Variants in DLGAP2 observed in about 807,000 individuals in gnomAD.
DLGAP2 encodes DLG associated protein 2, also known as disks large-associated protein 2.
In DLGAP2, 26 loss-of-function variants were observed where a neutral mutation model predicts 100.3. The observed-to-expected ratio is 0.26, with a 90% CI of 0.19 to 0.36. DLGAP2 has a LOEUF of 0.36. Ranked by LOEUF, DLGAP2 falls within the 10% of genes least tolerant of loss-of-function variation. The pLI, the probability that DLGAP2 is intolerant of heterozygous loss-of-function variation, is 1.00. For missense variants in DLGAP2, 1,858 were observed against 1,453.2 expected, an observed-to-expected ratio of 1.28 and a Z score of -4.53; for synonymous variants, 886 against 630.1, an observed-to-expected ratio of 1.41 and a Z score of -6.08.
At position 1,633,172 on chromosome 8, in the gene DLGAP2, C is replaced by T. The variant is rs559090632; in HGVS notation, c.1810+126C>T. On this transcript the variant is annotated intron_variant, in intron 8 of 14. Coordinates refer to ENST00000637795, the MANE Select transcript of DLGAP2 (RefSeq NM_001346810.2). ...ACTCTCCTGACATCTAGTAACGTTT[C>T]CTAATTGCATGTGTTACACTGTCAC... The T allele has an allele frequency of 4.7e-6, 4 of 860,106 alleles. No homozygotes were observed. In the African/African-American group the frequency reaches 6.8e-5, roughly 15 times the overall value. The allele number at this position is 860,106 out of a possible 1,614,324, so 53.3% of individuals were successfully genotyped here.
At chr8:1,379,329 G>A (rs1032156288) in intron 3 of DLGAP2, among the ~76,000 whole-genome samples, 1 of 152,258 alleles carries the variant, frequency 6.6e-6, no homozygotes, top group Non-Finnish European at 1.5e-5. Flanking sequence ...TAAGAGCCGC[G>A]TCTTTGCTAA....
chr8:881,958 T>C (rs1797808055), intron 1 of DLGAP2, among the ~76,000 whole-genome samples: 2 of 152,216 alleles, frequency 1.3e-5, no homozygotes, highest in South Asian at 4.1e-4. Context: ...CTGAGTCCCC[T>C]GCCATGCAAA....
chr8:999,310 C>T (rs1020877171), intron 2 of DLGAP2, among the ~76,000 whole-genome samples: 18 of 151,774 alleles, frequency 1.2e-4, no homozygotes, highest in African/African-American at 1.9e-4. Flanking sequence ...CCTGTGTATT[C>T]CCCTTTCCAT....
At chr8:1,481,046 C>T (rs1173086750) in intron 3 of DLGAP2, among the ~76,000 whole-genome samples, 1 of 151,900 alleles carries the variant, frequency 6.6e-6, no homozygotes, top group Non-Finnish European at 1.5e-5. Flanking sequence ...GTGGCGGGTG[C>T]CTGTAGTCCC....
rs539667028 is a variant in DLGAP2, at chr8:1,517,976, A to G, written c.172+16545A>G. Reference sequence around the variant, plus strand: ...GTGCTCATCGTCAGTAACACACACTAACTGAATTTCACTCAAGGCAGATTT... The same window carrying G: ...GTGCTCATCGTCAGTAACACACACTGACTGAATTTCACTCAAGGCAGATTT... On this transcript the variant is annotated intron_variant, in intron 4 of 14. Transcript: ENST00000637795. Among the ~76,000 whole-genome samples the G allele has an allele frequency of 1.4e-4, 21 of 152,320 alleles. No individual in the cohort carries two copies. In the South Asian group the frequency reaches 4.1e-3, roughly 30 times the overall value.
chr8:1,351,943 A>T (rs1801739300), intron 3 of DLGAP2, among the ~76,000 whole-genome samples: 3 of 71,038 alleles, frequency 4.2e-5, no homozygotes, highest in African/African-American at 9.5e-5. Context: ...TGTGTGTGGA[A>T]AGGCCGTGCG....
At chr8:1,591,422 GA>G (rs1210606855) in intron 6 of DLGAP2, among the ~76,000 whole-genome samples, 1 of 152,150 alleles carries the variant, frequency 6.6e-6, no homozygotes, top group Non-Finnish European at 1.5e-5. Flanking sequence ...TCTAAGACTG[GA>G]CGTTGGACTG....
intron 3 of DLGAP2, among the ~76,000 whole-genome samples, chr8:1,455,392 C>T (rs1199346929): frequency 2.0e-5 from 3 of 152,208 alleles, no homozygotes; most frequent in South Asian, 2.1e-4. Flanking sequence ...CCCTGCCCCT[C>T]GGGGTCCCAG....
chr8:1,350,284 C>T (rs1360652144), intron 3 of DLGAP2, among the ~76,000 whole-genome samples: 2 of 90,572 alleles, frequency 2.2e-5, no homozygotes, highest in African/African-American at 3.7e-5. Context: ...CGTGCGGGTC[C>T]TGAGCGTGCG....
chr8:1,006,340 G>A (rs1373764653), intron 2 of DLGAP2, among the ~76,000 whole-genome samples: 12 of 152,210 alleles, frequency 7.9e-5, no homozygotes, highest in Non-Finnish European at 1.6e-4. Context: ...ATCACGTCAG[G>A]GGTGCCCTGC....
chr8:1,156,687 C>T (rs1002658573), intron 2 of DLGAP2, among the ~76,000 whole-genome samples: 4 of 148,006 alleles, frequency 2.7e-5, no homozygotes, highest in African/African-American at 7.5e-5. Context: ...CAGCCCAGCA[C>T]CCCAGCTCAG....
At chr8:836,956 C>G (rs1354518357) in intron 1 of DLGAP2, among the ~76,000 whole-genome samples, 2 of 152,226 alleles carry the variant, frequency 1.3e-5, no homozygotes, top group Admixed American at 6.5e-5. Context: ...AGATCCCACC[C>G]TAACATTCTG....
intron 4 of DLGAP2, among the ~76,000 whole-genome samples, chr8:1,538,791 G>A (rs116585742): frequency 0.014 from 2,179 of 151,746 alleles, 57 homozygotes; most frequent in African/African-American, 0.05. Context: ...AGAGAGTCAC[G>A]CCCCGGGTGG....
At chr8:936,681 A>G (rs1408683120) in intron 2 of DLGAP2, among the ~76,000 whole-genome samples, 1 of 152,154 alleles carries the variant, frequency 6.6e-6, no homozygotes, top group African/African-American at 2.4e-5. Context: ...GCTGAGTGCA[A>G]GGTCCTCTCT....
chr8:764,002 C>G (rs949212491), intron 1 of DLGAP2, among the ~76,000 whole-genome samples: 2 of 152,148 alleles, frequency 1.3e-5, no homozygotes, highest in African/African-American at 4.8e-5. Context: ...TGGAAATTTT[C>G]ATTTTTAAGA....
chr8:1,456,614 G>T (rs1322249834), intron 3 of DLGAP2, among the ~76,000 whole-genome samples: 4 of 152,128 alleles, frequency 2.6e-5, no homozygotes, highest in Non-Finnish European at 5.9e-5. Flanking sequence ...TTTAATTAAT[G>T]AAAAAGTGTC....
chr8:1,422,731 G>A (rs367733647), intron 3 of DLGAP2, among the ~76,000 whole-genome samples: 6 of 150,842 alleles, frequency 4.0e-5, no homozygotes, highest in African/African-American at 1.4e-4. Flanking sequence ...TCAACATGCT[G>A]AGACCAGCCA....
At chr8:1,341,507 C>T (rs187569130) in intron 3 of DLGAP2, among the ~76,000 whole-genome samples, 11 of 152,290 alleles carry the variant, frequency 7.2e-5, no homozygotes, top group Admixed American at 7.2e-4. Context: ...GTTCTGCCTA[C>T]AGTATGGGCT....
chr8:1,688,587 G>A (rs146522892), intron 12 of DLGAP2, among the ~76,000 whole-genome samples: 5 of 152,252 alleles, frequency 3.3e-5, no homozygotes, highest in East Asian at 1.9e-4. Flanking sequence ...CCGTCTCCAC[G>A]GAATGGGGAG....
Sources: allele counts gnomAD v4.1 joint callset (sites outside exome capture counted in the v4.1 genomes callset), GRCh38; gene constraint gnomAD v4.1.1; transcripts MANE v1.5; gene names NCBI Gene and HGNC (gene_info 2026-07-23, HGNC 2026-07-21).